Variants in GIN1 observed in about 807,000 individuals in gnomAD.
GIN1 encodes gypsy retrotransposon integrase-like protein 1.
In GIN1, 41 loss-of-function variants were observed where a neutral mutation model predicts 51.4. That is an observed-to-expected ratio of 0.80 (90% CI 0.62 to 1.04). The LOEUF is 1.04. GIN1 is among the 50% of genes least tolerant of loss of function. The pLI, the probability that GIN1 is intolerant of heterozygous loss-of-function variation, is 0.00. For synonymous variants in GIN1, 222 were observed against 206.5 expected (o/e 1.07, Z -0.64); for missense variants, 610 against 612.4 (o/e 1.00, Z 0.04).
chr5:103,087,642 A>C lies in GIN1; in HGVS notation c.*256T>G, dbSNP rs1039724610. 21 of 240,786 alleles carry C rather than the reference A, an allele frequency of 8.7e-5. No homozygotes were observed. Among genetic ancestry groups the C allele is most frequent in the African/African-American group, 4.7e-4 (21 of 44,816 alleles). 14.9% of individuals were successfully genotyped at this position (240,786 alleles called of 1,614,324 possible). A position where few individuals can be genotyped will look rare whatever the true frequency, so the allele number is the denominator to read the frequency against. ...TTGGGCTGGAATTTATTTCCCAAGA[A>C]GTAGGGGTGCTTTGCCTGTTCTCTT... On this transcript the variant is annotated 3_prime_UTR_variant, in exon 8 of 8. Coordinates refer to ENST00000399004, the MANE Select transcript of GIN1 (RefSeq NM_017676.2).
At position 103,097,304 on chromosome 5, in the gene GIN1, A is replaced by G. The variant is rs1554195186; in HGVS notation, c.1008+10T>C. 9.9e-6 allele frequency: 15 copies of G among 1,509,400 alleles called. No homozygotes were observed. Among genetic ancestry groups the G allele is most frequent in the Non-Finnish European group, 1.4e-5 (15 of 1,095,798 alleles). The allele number at this position is 1,509,400 out of a possible 1,614,324, so 93.5% of individuals were successfully genotyped here. On this transcript the variant is annotated intron_variant, in intron 6 of 7. Transcript: ENST00000399004. ...TTTTAGATTACAGTTTTTCTATTGA[A>G]TAGAATCACCTGGCCCAGTGAAGTT...
chr5:103,109,074 G>C (rs1351169693), intron 1 of GIN1, among the ~76,000 whole-genome samples: 1 of 151,938 alleles, frequency 6.6e-6, no homozygotes, highest in Admixed American at 6.6e-5. Flanking sequence ...TAACACAGGA[G>C]GATCCTGTCA....
chr5:103,099,022 G>C (rs1462668542), intron 4 of GIN1, among the ~76,000 whole-genome samples: 1 of 150,646 alleles, frequency 6.6e-6, no homozygotes, highest in African/African-American at 2.4e-5. Flanking sequence ...ATTATTTTTA[G>C]TTGAGTAAAC....
Position 103,087,857 on chromosome 5 carries a change from TTA to T in GIN1, c.*39_*40del, listed in dbSNP as rs1562322318. 1.2e-6 allele frequency: 1 copy of T among 844,592 alleles called. No individual in the cohort carries two copies. Among genetic ancestry groups the T allele is most frequent in the African/African-American group, 1.7e-5 (1 of 58,390 alleles). The allele number at this position is 844,592 out of a possible 1,614,324, so 52.3% of individuals were successfully genotyped here. A position where few individuals can be genotyped will look rare whatever the true frequency, so the allele number is the denominator to read the frequency against. ...TAATGAATAAGATATCATTAAGAAT[TTA>T]TATTCTAAACAAACAATTTAAATAA... On this transcript the variant is annotated 3_prime_UTR_variant, in exon 8 of 8. Coordinates refer to ENST00000399004, the MANE Select transcript of GIN1 (RefSeq NM_017676.2).
chr5:103,098,605 T>G (rs1032672340), intron 4 of GIN1, among the ~76,000 whole-genome samples: 14 of 152,104 alleles, frequency 9.2e-5, no homozygotes, highest in Admixed American at 9.2e-4. Flanking sequence ...ACTACAGGCA[T>G]GTGTCACCAT....
chr5:103,106,484 A>G (rs900788361), intron 3 of GIN1: 1 of 333,850 alleles, frequency 3.0e-6, no homozygotes, highest in Non-Finnish European at 5.4e-6. Flanking sequence ...GATTTTTTAA[A>G]TAATCTCTTA....
intron 3 of GIN1, among the ~76,000 whole-genome samples, chr5:103,106,309 C>T (rs1452312249): frequency 1.3e-5 from 2 of 152,126 alleles, no homozygotes; most frequent in African/African-American, 4.8e-5. Flanking sequence ...CAAAATGGAA[C>T]AGGCACAAAA....
intron 7 of GIN1, among the ~76,000 whole-genome samples, chr5:103,089,404 T>C (rs1787171513): frequency 1.3e-5 from 2 of 152,106 alleles, no homozygotes; most frequent in Non-Finnish European, 2.9e-5. Flanking sequence ...AATATAGATA[T>C]AGATATATTT....
At position 103,086,213 on chromosome 5, in the gene GIN1, A is replaced by C. The variant is rs1382676506; in HGVS notation, c.*1685T>G. On this transcript the variant is annotated 3_prime_UTR_variant, in exon 8 of 8. Transcript: ENST00000399004. ...TTATCTTCACATGGCATTCTCCTTG[A>C]GTCTGTGTTCAAATTTTCCCCTTTT... 6.6e-6 allele frequency: 1 copy of C among 152,204 alleles called. No individual in the cohort carries two copies. The highest frequency in any genetic ancestry group is 1.9e-4 in the East Asian group (1 of 5,196). 9.4% of individuals were successfully genotyped at this position (152,204 alleles called of 1,614,324 possible).
chr5:103,090,376 A>C (rs1554194402), intron 7 of GIN1, among the ~76,000 whole-genome samples: 1 of 152,234 alleles, frequency 6.6e-6, no homozygotes, highest in Non-Finnish European at 1.5e-5. Flanking sequence ...ATAACATTGA[A>C]ACACTTTCAG....
chr5:103,095,787 G>A (rs1787375145), intron 7 of GIN1, among the ~76,000 whole-genome samples: 1 of 152,114 alleles, frequency 6.6e-6, no homozygotes, highest in African/African-American at 2.4e-5. Flanking sequence ...AGCTGGGCAT[G>A]GTGGCATGTG....
rs541372808 is a variant in GIN1, at chr5:103,086,199, T to C, written c.*1699A>G. ...CTTAAACTCTGCCTTTATCTTCACA[T>C]GGCATTCTCCTTGAGTCTGTGTTCA... On this transcript the variant is annotated 3_prime_UTR_variant, in exon 8 of 8. Transcript: ENST00000399004. The C allele has an allele frequency of 2.0e-5, 3 of 152,356 alleles. No homozygotes were observed. In the East Asian group the frequency reaches 5.8e-4, roughly 29 times the overall value. The allele number at this position is 152,356 out of a possible 1,614,324, so 9.4% of individuals were successfully genotyped here.
chr5:103,116,690 TGATA>T (rs1382117805), intron 1 of GIN1, among the ~76,000 whole-genome samples: 5 of 152,008 alleles, frequency 3.3e-5, no homozygotes, highest in Non-Finnish European at 4.4e-5. Flanking sequence ...TACATACATA[TGATA>T]AATAACTTTT....
intron 4 of GIN1, among the ~76,000 whole-genome samples, chr5:103,100,219 G>A (rs1787531540): frequency 6.6e-6 from 1 of 151,484 alleles, no homozygotes; most frequent in Non-Finnish European, 1.5e-5. Context: ...TCCCATCTCA[G>A]CCTCCCAAGT....
At chr5:103,094,562 G>A (rs1554194827) in intron 7 of GIN1, among the ~76,000 whole-genome samples, 1 of 152,172 alleles carries the variant, frequency 6.6e-6, no homozygotes. Flanking sequence ...ATGTTCAGAA[G>A]AAGCACAATA....
At chr5:103,117,577 A>AAT (rs1241458962) in intron 1 of GIN1, among the ~76,000 whole-genome samples, 1 of 86,148 alleles carries the variant, frequency 1.2e-5, no homozygotes, top group African/African-American at 3.2e-5. Context: ...TGAAGAAAAA[A>AAT]ATATACACAC....
In GIN1 at chr5:103,106,759, G is replaced by C; in HGVS notation, c.290C>G (p.Ser97Cys). ...GGTCACAGATGTCCAATAATAATTG[G>C]ATTCTACCAGAGTGAGGGTCCTGGA... Reference protein sequence around the residue: ...GISRTLTLVESNYYWTSVTND... With the variant: ...GISRTLTLVECNYYWTSVTND... The change falls in exon 3 of 8, where the codon TCC becomes TGC. Residue 97 changes from serine (S) to cysteine (C), a missense_variant. By Grantham distance (112) the Ser-to-Cys change is moderately radical. Coordinates refer to ENST00000399004, the MANE Select transcript of GIN1 (RefSeq NM_017676.2). 6.2e-7 allele frequency: 1 copy of C among 1,602,228 alleles called. No homozygotes were observed. Among genetic ancestry groups the C allele is most frequent in the South Asian group, 1.1e-5 (1 of 88,890 alleles).
chr5:103,105,457 C>T (rs1221172156), intron 3 of GIN1, among the ~76,000 whole-genome samples: 1 of 152,060 alleles, frequency 6.6e-6, no homozygotes, highest in African/African-American at 2.4e-5. Context: ...AAAATGTTTC[C>T]TTCTAAAGTT....
chr5:103,118,258 A>G (rs898441662), intron 1 of GIN1, among the ~76,000 whole-genome samples: 2 of 152,200 alleles, frequency 1.3e-5, no homozygotes, highest in African/African-American at 4.8e-5. Flanking sequence ...TATAGACTTA[A>G]GCCTTAGTAT....
Sources: allele counts gnomAD v4.1 joint callset (sites outside exome capture counted in the v4.1 genomes callset), GRCh38; gene constraint gnomAD v4.1.1; transcripts MANE v1.5; gene names NCBI Gene and HGNC (gene_info 2026-07-23, HGNC 2026-07-21).